The following PTCHD4 variants were observed in gnomAD, a reference collection of about 807,000 sequenced individuals.
PTCHD4 encodes patched domain containing 4.
Under a neutral mutation model 58.1 loss-of-function variants are expected in PTCHD4, and 33 were observed. The observed-to-expected ratio is 0.57, with a 90% CI of 0.43 to 0.76. PTCHD4 has a LOEUF of 0.76. Among genes scored for constraint, PTCHD4 ranks in the 30% least tolerant of loss-of-function variants. The pLI is 0.00. For synonymous variants in PTCHD4, 478 were observed against 409.6 expected (o/e 1.17, Z -2.02); for missense variants, 1,058 against 1,027.1 (o/e 1.03, Z -0.41).
At chr6:47,949,013 T>C (rs1381697416) in intron 4 of PTCHD4, among the ~76,000 whole-genome samples, 1 of 152,190 alleles carries the variant, frequency 6.6e-6, no homozygotes, top group African/African-American at 2.4e-5. Flanking sequence ...ATGCTGTTCA[T>C]GGAGACAAAT....
intron 1 of PTCHD4, among the ~76,000 whole-genome samples, chr6:48,072,188 T>C (rs1212149728): frequency 6.6e-6 from 1 of 152,166 alleles, no homozygotes; most frequent in Admixed American, 6.5e-5. Context: ...CTCCTTAAGG[T>C]TGGAGTCCGT....
chr6:47,911,563 T>A (rs1222877254), intron 4 of PTCHD4, among the ~76,000 whole-genome samples: 1 of 152,110 alleles, frequency 6.6e-6, no homozygotes, highest in Non-Finnish European at 1.5e-5. Context: ...GAGTAAAGGA[T>A]GATGTCCAGG....
rs1054197018 is a variant in PTCHD4, at chr6:47,878,854, C to G, written c.1981G>C (p.Ala661Pro). 9 of 1,613,630 alleles carry G rather than the reference C, an allele frequency of 5.6e-6. No homozygotes were observed. The South Asian group carries it at 8.8e-5, about 16-fold the overall frequency. ...SLSVTVPVLI[A>P]GFGVLLVLIL... is the part of the protein sequence containing the mutation. Reference sequence around the variant, plus strand: ...AACACCAGGAGAACACCAAAGCCTGCAATCAGAACAGGCACTGTGACAGAC... The same window carrying G: ...AACACCAGGAGAACACCAAAGCCTGGAATCAGAACAGGCACTGTGACAGAC... The change falls in exon 5 of 5, where the codon GCA becomes CCA. Residue 661 changes from alanine to proline, a missense_variant. Coordinates refer to ENST00000339488, the MANE Select transcript of PTCHD4 (RefSeq NM_001384253.1).
chr6:47,910,157 T>A (rs902488097), intron 4 of PTCHD4, among the ~76,000 whole-genome samples: 12 of 152,324 alleles, frequency 7.9e-5, no homozygotes, highest in African/African-American at 2.9e-4. Flanking sequence ...TAGACATTGA[T>A]ACAATGTCAT....
At chr6:47,977,486 A>G (rs942501161) in intron 4 of PTCHD4, among the ~76,000 whole-genome samples, 4 of 152,194 alleles carry the variant, frequency 2.6e-5, no homozygotes, top group African/African-American at 4.8e-5. Flanking sequence ...AACAGCCTGC[A>G]AGGAACTGAA....
intron 3 of PTCHD4, among the ~76,000 whole-genome samples, chr6:48,048,421 T>C (rs1223575276): frequency 6.6e-6 from 1 of 151,962 alleles, no homozygotes; most frequent in East Asian, 1.9e-4. Context: ...ATGAACTGTC[T>C]GCATGAGAGA....
At chr6:47,883,663 T>C (rs1313731356) in intron 4 of PTCHD4, among the ~76,000 whole-genome samples, 1 of 152,186 alleles carries the variant, frequency 6.6e-6, no homozygotes, top group Admixed American at 6.5e-5. Context: ...ATCCAGGGTT[T>C]CCCAACTGGG....
intron 4 of PTCHD4, among the ~76,000 whole-genome samples, chr6:47,919,706 A>C (rs1159588843): frequency 6.6e-6 from 1 of 152,178 alleles, no homozygotes; most frequent in East Asian, 1.9e-4. Flanking sequence ...CAACCATTAA[A>C]AGGCTTTAAA....
At chr6:48,038,825 A>G (rs1763740714) in intron 3 of PTCHD4, among the ~76,000 whole-genome samples, 1 of 152,140 alleles carries the variant, frequency 6.6e-6, no homozygotes, top group Non-Finnish European at 1.5e-5. Context: ...TTTGTTTTCA[A>G]ATAGAGCCAC....
intron 3 of PTCHD4, among the ~76,000 whole-genome samples, chr6:48,019,858 C>T (rs928799167): frequency 6.6e-6 from 1 of 152,124 alleles, no homozygotes; most frequent in African/African-American, 2.4e-5. Flanking sequence ...GAAGATGTTA[C>T]CTTAGCTGAG....
Position 47,878,800 on chromosome 6 carries a change from G to A in PTCHD4, c.2035C>T (p.Pro679Ser), listed in dbSNP as rs1425563930. Reference protein sequence around the residue: ...LILTFFLVIHPLGNFWLILSV... With the variant: ...LILTFFLVIHSLGNFWLILSV... Reference sequence around the variant, plus strand: ...AGAATTAGCCAGAAGTTTCCCAGAGGGTGGATCACTAGGAAAAAAGTCAGG... The same window carrying A: ...AGAATTAGCCAGAAGTTTCCCAGAGAGTGGATCACTAGGAAAAAAGTCAGG... The change falls in exon 5 of 5, where the codon CCT becomes TCT. Residue 679 changes from proline to serine, a missense_variant. Pro to Ser is a moderately conservative substitution (Grantham distance 74). Coordinates refer to ENST00000339488, the MANE Select transcript of PTCHD4 (RefSeq NM_001384253.1). 1.2e-6 allele frequency: 2 copies of A among 1,613,588 alleles called. No individual in the cohort carries two copies.
intron 4 of PTCHD4, among the ~76,000 whole-genome samples, chr6:47,960,955 T>C (rs1049449571): frequency 3.4e-5 from 5 of 148,880 alleles, no homozygotes; most frequent in African/African-American, 1.2e-4. Flanking sequence ...TAGCTGCCTT[T>C]TTTTTTTAAA....
intron 4 of PTCHD4, among the ~76,000 whole-genome samples, chr6:47,907,894 G>T (rs9395328): frequency 1.3e-5 from 2 of 151,520 alleles, no homozygotes; most frequent in Non-Finnish European, 2.9e-5. Flanking sequence ...TCCACCTCAA[G>T]CTATGTTTCT....
chr6:47,938,673 G>A (rs1255589686), intron 4 of PTCHD4, among the ~76,000 whole-genome samples: 4 of 152,214 alleles, frequency 2.6e-5, no homozygotes, highest in African/African-American at 9.6e-5. Flanking sequence ...TGAATTTATA[G>A]TGAGAATAGT....
chr6:48,051,451 C>G (rs1462543524), intron 3 of PTCHD4, among the ~76,000 whole-genome samples: 1 of 151,864 alleles, frequency 6.6e-6, no homozygotes, highest in East Asian at 1.9e-4. Context: ...CCACAATTAC[C>G]TTAACAGTTC....
chr6:47,922,356 C>T (rs1765462349), intron 4 of PTCHD4, among the ~76,000 whole-genome samples: 1 of 152,094 alleles, frequency 6.6e-6, no homozygotes, highest in Admixed American at 6.6e-5. Context: ...TGACTCTTTC[C>T]TTTTATCCCA....
intron 4 of PTCHD4, among the ~76,000 whole-genome samples, chr6:47,949,475 C>A (rs1369732395): frequency 6.6e-6 from 1 of 152,110 alleles, no homozygotes; most frequent in East Asian, 1.9e-4. Flanking sequence ...ATGTAGGTTG[C>A]ATCCATAGGC....
chr6:47,897,204 A>T (rs926387361), intron 4 of PTCHD4, among the ~76,000 whole-genome samples: 5 of 152,114 alleles, frequency 3.3e-5, no homozygotes, highest in Non-Finnish European at 5.9e-5. Flanking sequence ...TCACTCTTTA[A>T]CTATTCTTCT....
chr6:48,042,750 T>C (rs993849996), intron 3 of PTCHD4, among the ~76,000 whole-genome samples: 2 of 151,974 alleles, frequency 1.3e-5, no homozygotes, highest in Non-Finnish European at 2.9e-5. Context: ...CTGCAGTTTC[T>C]AGGTCTTGCT....
Sources: gnomAD v4.1 joint callset for allele counts (sites outside exome capture counted in the v4.1 genomes callset) on GRCh38, gnomAD v4.1.1 for gene constraint, MANE v1.5 for transcripts, NCBI Gene and HGNC (gene_info 2026-07-23, HGNC 2026-07-21) for gene names.